The following PAX1 variants were observed in gnomAD, a reference collection of about 807,000 sequenced individuals.
PAX1 encodes paired box protein Pax-1.
PAX1 carries 18 observed loss-of-function variants against 35.6 expected under a neutral mutation model. The observed-to-expected ratio is 0.50, with a 90% CI of 0.35 to 0.75. PAX1 has a LOEUF of 0.75. PAX1 is among the 30% of genes least tolerant of loss of function. The pLI, the probability that PAX1 is intolerant of heterozygous loss-of-function variation, is 0.01. For missense variants in PAX1, 760 were observed against 661.5 expected (o/e 1.15, Z -1.63); for synonymous variants, 397 against 305.2 (o/e 1.30, Z -3.14).
intron 4 of PAX1, among the ~76,000 whole-genome samples, chr20:21,713,394 G>A (rs1459604662): frequency 1.3e-5 from 2 of 151,252 alleles, no homozygotes; most frequent in Non-Finnish European, 2.9e-5. Flanking sequence ...GTGTGTGTGT[G>A]TGTGTGTGTG....
In PAX1 at chr20:21,706,184, T is replaced by G. The variant is rs905596311; in HGVS notation, c.286+186T>G. On this transcript the variant is annotated intron_variant, in intron 1 of 4. Transcript: ENST00000613128. This position sits in a 1 kb window ranked among gnomAD's most constrained non-coding sequence, Gnocchi z 5.3. ...AAGTCTGGGAAGGGAGTGTTCCAAG[T>G]AGACGCGCTAAAAGTCGCGAAAGGG... is the stretch of plus-strand genomic sequence containing the variant. 1 of 768,910 alleles carries G rather than the reference T, an allele frequency of 1.3e-6. No individual in the cohort carries two copies. 47.6% of individuals were successfully genotyped at this position (768,910 alleles called of 1,614,324 possible).
At position 21,706,475 on chromosome 20, in the gene PAX1, G is replaced by A; in HGVS notation, c.324G>A (p.Val108=). 1 of 1,611,258 alleles carries A rather than the reference G, an allele frequency of 6.2e-7. No individual in the cohort carries two copies. ...TYGEVNQLGG[V]FVNGRPLPNA... is the part of the protein sequence containing the mutation. ...GCGAGGTGAACCAGCTGGGCGGTGT[G>A]TTCGTCAACGGCCGCCCCCTGCCCA... The change falls in exon 2 of 5, where the codon GTG becomes GTA. Residue 108 remains valine (V), a synonymous_variant. Transcript: ENST00000613128. The surrounding 1 kb of genome is among the most constrained non-coding windows in gnomAD (Gnocchi z 5.3).
intron 4 of PAX1, among the ~76,000 whole-genome samples, chr20:21,714,074 C>CA (rs1289055145): frequency 6.6e-6 from 1 of 152,248 alleles, no homozygotes; most frequent in East Asian, 1.9e-4. Flanking sequence ...AGGGTCCGCG[C>CA]AACGTTAGAG....
intron 4 of PAX1, among the ~76,000 whole-genome samples, chr20:21,711,079 C>G (rs1985184467): frequency 6.6e-6 from 1 of 152,226 alleles, no homozygotes. Flanking sequence ...CTGAGGTTAT[C>G]TGTCGAAATC....
In PAX1 at chr20:21,714,994, T is replaced by C. The variant is rs1384287114; in HGVS notation, c.*432T>C. ...CTTCCTCCCTACCTTCCACCCCGGC[T>C]TTCCCCGACCTTCCAGGGCTCCCTC... is the stretch of plus-strand genomic sequence containing the variant. On this transcript the variant is annotated 3_prime_UTR_variant, in exon 5 of 5. Transcript: ENST00000613128. The C allele has an allele frequency of 4.6e-6, 3 of 657,492 alleles. No individual in the cohort carries two copies. Among genetic ancestry groups the C allele is most frequent in the East Asian group, 5.4e-5 (2 of 36,724 alleles). 40.7% of individuals were successfully genotyped at this position (657,492 alleles called of 1,614,324 possible). A position where few individuals can be genotyped will look rare whatever the true frequency, so the allele number is the denominator to read the frequency against.
At position 21,706,445 on chromosome 20, in the gene PAX1, G is replaced by T. The variant is rs774932239; in HGVS notation, c.294G>T (p.Thr98=). The change falls in exon 2 of 5, where the codon ACG becomes ACT. Residue 98 remains threonine, a synonymous_variant. Transcript: ENST00000613128. This position sits in a 1 kb window ranked among gnomAD's most constrained non-coding sequence, Gnocchi z 5.3. The part of the protein sequence containing the change: ...QLAGPLAMEQ[T]YGEVNQLGGV... ...TGTCTGGCGCATCCGCAGAGCAGAC[G>T]TATGGCGAGGTGAACCAGCTGGGCG... is the stretch of plus-strand genomic sequence containing the variant. 1.9e-6 allele frequency: 3 copies of T among 1,611,112 alleles called. No individual in the cohort carries two copies. Among genetic ancestry groups the T allele is most frequent in the South Asian group, 1.1e-5 (1 of 91,074 alleles).
chr20:21,709,034 G>A (rs1985107653), intron 3 of PAX1, among the ~76,000 whole-genome samples, 188 bp from the exon 4 acceptor site: 1 of 152,214 alleles, frequency 6.6e-6, no homozygotes, highest in Non-Finnish European at 1.5e-5. Context: ...CAGTTTGAGT[G>A]AATTCTTAGA....
chr20:21,706,975 G>C lies in PAX1; in HGVS notation c.824G>C (p.Gly275Ala), dbSNP rs1206670367. Residue 275 changes from glycine to alanine, a missense_variant, in exon 2 of 5, where the codon GGC (glycine) becomes GCC (alanine). This residue lies in a region of PAX1 where 490 missense variants were observed against 428.4 expected (regional missense o/e 1.14). Transcript: ENST00000613128. The surrounding 1 kb of genome is among the most constrained non-coding windows in gnomAD (Gnocchi z 5.3). ...ATGGGCAGCCACCCCGGGGTCCCGG[G>C]CACGGCGGGCCACGTCAGCATCCCG... ...AKMGSHPGVP[G>A]TAGHVSIPRS... is the part of the protein sequence containing the mutation. 6.2e-7 allele frequency: 1 copy of C among 1,612,696 alleles called. No homozygotes were observed. The highest frequency in any genetic ancestry group is 1.1e-5 in the South Asian group (1 of 91,070).
chr20:21,715,077 C>T lies in PAX1; in HGVS notation c.*515C>T. ...TCTGCTCCAGTCCCGCTTCTTCCCC[C>T]GTCTCCTCTTTCTAGTCCTCTATAT... is the stretch of plus-strand genomic sequence containing the variant. On this transcript the variant is annotated 3_prime_UTR_variant, in exon 5 of 5. Coordinates refer to ENST00000613128, the MANE Select transcript of PAX1 (RefSeq NM_001257096.2). 5.3e-6 allele frequency: 3 copies of T among 567,234 alleles called. No individual in the cohort carries two copies. The highest frequency in any genetic ancestry group is 9.4e-6 in the Non-Finnish European group (3 of 318,396). The allele number at this position is 567,234 out of a possible 1,614,324, so 35.1% of individuals were successfully genotyped here.
In PAX1 at chr20:21,706,406, C is replaced by T. The variant is rs201409443; in HGVS notation, c.287-32C>T. On this transcript the variant is annotated intron_variant, in intron 1 of 4. Transcript: ENST00000613128. This position sits in a 1 kb window ranked among gnomAD's most constrained non-coding sequence, Gnocchi z 5.3. Reference sequence around the variant, plus strand: ...CTAACCCGCCGGGTGTTTTCTCCCCCTCCGGCTCACTCTTGTCTGGCGCAT... The same window carrying T: ...CTAACCCGCCGGGTGTTTTCTCCCCTTCCGGCTCACTCTTGTCTGGCGCAT... 513 of 1,609,550 alleles carry T rather than the reference C, an allele frequency of 3.2e-4. 1 individual carries two copies. The highest frequency in any genetic ancestry group is 1.3e-3 in the African/African-American group (99 of 75,072).
rs371071798 is a variant in PAX1 at position 21,706,342 on chromosome 20, G to T, written c.287-96G>T. 4.6e-6 allele frequency: 7 copies of T among 1,509,236 alleles called. No individual in the cohort carries two copies. The African/African-American group carries it at 9.6e-5, about 21-fold the overall frequency. The allele number at this position is 1,509,236 out of a possible 1,614,324, so 93.5% of individuals were successfully genotyped here. ...ACCCACAGGTCACCTTTGGAAGTGCGCCTGGGTGCAGTCCCTCGCTCCGCG... is the reference window on the plus strand; with the variant it reads ...ACCCACAGGTCACCTTTGGAAGTGCTCCTGGGTGCAGTCCCTCGCTCCGCG... On this transcript the variant is annotated intron_variant, in intron 1 of 4. Transcript: ENST00000613128. The surrounding 1 kb of genome is among the most constrained non-coding windows in gnomAD (Gnocchi z 5.3).
rs1179679609 is a variant in PAX1 at position 21,714,503 on chromosome 20, A to G, written c.1315A>G (p.Lys439Glu). Reference protein sequence around the residue: ...ADRKPPSSGSKAPDALSSLHG... With the variant: ...ADRKPPSSGSEAPDALSSLHG... ...CAGGAAGCCTCCCAGCTCCGGCAGCAAGGCCCCGGACGCCCTCAGTAGCTT... is the reference window on the plus strand; with the variant it reads ...CAGGAAGCCTCCCAGCTCCGGCAGCGAGGCCCCGGACGCCCTCAGTAGCTT... Residue 439 changes from lysine to glutamate, a missense_variant, in exon 5 of 5, where the codon AAG becomes GAG. Lys to Glu is a moderately conservative substitution (Grantham distance 56, BLOSUM62 1). Transcript: ENST00000613128. 3.1e-6 allele frequency: 5 copies of G among 1,592,500 alleles called. No individual in the cohort carries two copies. The African/African-American group carries it at 4.0e-5, about 13-fold the overall frequency.
chr20:21,715,248 A>C lies in PAX1; in HGVS notation c.*686A>C, dbSNP rs530836880. On this transcript the variant is annotated 3_prime_UTR_variant, in exon 5 of 5. Transcript: ENST00000613128. Reference sequence around the variant, plus strand: ...AGAGCCCTAGAGCCATCTCGGTGACAGTCCCTTCTCTGGCACCTGGGACTT... The same window carrying C: ...AGAGCCCTAGAGCCATCTCGGTGACCGTCCCTTCTCTGGCACCTGGGACTT... The C allele has an allele frequency of 1.1e-3, 208 of 190,710 alleles. 2 individuals carry two copies. The highest frequency in any genetic ancestry group is 4.1e-3 in the Admixed American group (73 of 17,912). 11.8% of individuals were successfully genotyped at this position (190,710 alleles called of 1,614,324 possible). A position where few individuals can be genotyped will look rare whatever the true frequency, so the allele number is the denominator to read the frequency against.
At position 21,705,724 on chromosome 20, in the gene PAX1, C is replaced by T. The variant is rs1162961558; in HGVS notation, c.12C>T (p.Thr4=). 20 of 1,247,600 alleles carry T rather than the reference C, an allele frequency of 1.6e-5. No homozygotes were observed. The highest frequency in any genetic ancestry group is 7.8e-5 in the African/African-American group (5 of 64,178). 77.3% of individuals were successfully genotyped at this position (1,247,600 alleles called of 1,614,324 possible). A position where few individuals can be genotyped will look rare whatever the true frequency, so the allele number is the denominator to read the frequency against. Residue 4 remains threonine, a synonymous_variant, in exon 1 of 5, where the codon ACC becomes ACT. Coordinates refer to ENST00000613128, the MANE Select transcript of PAX1 (RefSeq NM_001257096.2). MKF[T]LGLGSRAWRV... is the part of the protein sequence containing the mutation. ...TTTCTCCCAATCGGATGAAGTTCAC[C>T]CTGGGCCTGGGGTCGCGGGCGTGGA...
Position 21,706,605 on chromosome 20 carries a change from G to T in PAX1, c.454G>T (p.Ala152Ser), listed in dbSNP as rs1281202335. 6.2e-7 allele frequency: 1 copy of T among 1,612,068 alleles called. No individual in the cohort carries two copies. The change falls in exon 2 of 5, where the codon GCG becomes TCG. Residue 152 changes from alanine (A) to serine (S), a missense_variant. Physicochemically the swap from Ala to Ser is moderately conservative, Grantham distance 99 (BLOSUM62 1). This residue lies in a region of PAX1 where 48 missense variants were observed against 80.0 expected (regional missense o/e 0.60). Coordinates refer to ENST00000613128, the MANE Select transcript of PAX1 (RefSeq NM_001257096.2). This position sits in a 1 kb window ranked among gnomAD's most constrained non-coding sequence, Gnocchi z 5.3. ...CCACGGCTGCGTGAGCAAGATCCTG[G>T]CGCGCTACAACGAGACCGGCTCCAT... ...VSHGCVSKIL[A>S]RYNETGSILP...
Position 21,714,606 on chromosome 20 carries a change from G to A in PAX1, c.*44G>A. ...CCGAGCCCGGAGGGAACGGCAGGCG[G>A]ACCCGGGCGCACAGGTCTGCGCGGC... On this transcript the variant is annotated 3_prime_UTR_variant, in exon 5 of 5. Transcript: ENST00000613128. 6.4e-7 allele frequency: 1 copy of A among 1,557,296 alleles called. No homozygotes were observed. Among genetic ancestry groups the A allele is most frequent in the Non-Finnish European group, 8.7e-7 (1 of 1,154,722 alleles).
At position 21,717,792 on chromosome 20, in the gene PAX1, T is replaced by C. The variant is rs187372491; in HGVS notation, c.*3230T>C. The C allele has an allele frequency of 1.3e-5, 2 of 152,254 alleles. No individual in the cohort carries two copies. Among genetic ancestry groups the C allele is most frequent in the South Asian group, 2.1e-4 (1 of 4,818 alleles). The allele number at this position is 152,254 out of a possible 1,614,324, so 9.4% of individuals were successfully genotyped here. A position where few individuals can be genotyped will look rare whatever the true frequency, so the allele number is the denominator to read the frequency against. ...ATTTTTTGAAAGAATAGAAATAATA[T>C]ATGCGTATCACTAAAAAACTCAAGC... On this transcript the variant is annotated 3_prime_UTR_variant, in exon 5 of 5. Transcript: ENST00000613128.
intron 4 of PAX1, among the ~76,000 whole-genome samples, chr20:21,711,901 A>C (rs1264177249): frequency 6.6e-6 from 1 of 152,256 alleles, no homozygotes; most frequent in African/African-American, 2.4e-5. Flanking sequence ...ATCAGTTCTT[A>C]AGAAATTAAT....
In PAX1 at chr20:21,709,260, C is replaced by G; in HGVS notation, c.1098C>G (p.Pro366=). The G allele has an allele frequency of 1.2e-6, 2 of 1,606,472 alleles. No homozygotes were observed. Reference sequence around the variant, plus strand: ...TCTCTGCCGTGGGCGGCTTTCTCCCCGCCTGCGCCTACCCGGCCTCCAACC... The same window carrying G: ...TCTCTGCCGTGGGCGGCTTTCTCCCGGCCTGCGCCTACCCGGCCTCCAACC... ...STLSAVGGFL[P]ACAYPASNQH... Residue 366 remains proline (P), a synonymous_variant, in exon 4 of 5, where the codon CCC becomes CCG. Transcript: ENST00000613128.
Sources: allele counts gnomAD v4.1 joint callset (sites outside exome capture counted in the v4.1 genomes callset), GRCh38; gene constraint gnomAD v4.1.1; regional missense constraint gnomAD v4.1.1; non-coding constraint Gnocchi (gnomAD v3.1); transcripts MANE v1.5; gene names NCBI Gene and HGNC (gene_info 2026-07-23, HGNC 2026-07-21).